Variants in LRBA observed in about 807,000 individuals in gnomAD.
LRBA encodes the protein LPS responsive beige-like anchor protein.
LRBA carries 176 observed loss-of-function variants against 330.0 expected under a neutral mutation model. The ratio of observed to expected loss-of-function variants is 0.53; its 90% CI spans 0.47 to 0.60. The LOEUF is 0.60. Ranked by LOEUF, LRBA falls within the 20% of genes least tolerant of loss-of-function variation. The pLI is 0.00. For missense variants in LRBA, 3,259 were observed against 3,444.8 expected (o/e 0.95, Z 1.35); for synonymous variants, 1,230 against 1,193.0 (o/e 1.03, Z -0.64).
chr4:150,844,233 A>G (rs751075860), intron 27 of LRBA, 26 bp from the exon 28 acceptor site: 7 of 1,023,866 alleles, frequency 6.8e-6, no homozygotes, highest in Middle Eastern at 2.4e-4. Flanking sequence ...AAAAAATTGT[A>G]TATATATATA....
At chr4:150,639,667 T>A (rs1778323421) in intron 37 of LRBA, among the ~76,000 whole-genome samples, 1 of 140,478 alleles carries the variant, frequency 7.1e-6, no homozygotes, top group Non-Finnish European at 1.5e-5. Context: ...GATCCTACAT[T>A]ACTTTAGAAT....
intron 37 of LRBA, among the ~76,000 whole-genome samples, chr4:150,648,781 C>T (rs1013391243): frequency 6.6e-6 from 1 of 152,070 alleles, no homozygotes. Flanking sequence ...AACAGAGCCA[C>T]GAGGCCTCTA....
chr4:150,779,777 C>A (rs538395726), intron 34 of LRBA, among the ~76,000 whole-genome samples: 1 of 151,948 alleles, frequency 6.6e-6, no homozygotes, highest in East Asian at 1.9e-4. Context: ...TTTCTGACAG[C>A]GTAATTCCAA....
intron 37 of LRBA, among the ~76,000 whole-genome samples, chr4:150,602,943 A>G (rs1031430190): frequency 6.6e-6 from 1 of 152,186 alleles, no homozygotes. Context: ...TTATAAGTAC[A>G]TATCTAGATC....
chr4:150,435,465 A>C, intron 46 of LRBA, 124 bp downstream of exon 46: 1 of 812,636 alleles, frequency 1.2e-6, no homozygotes, highest in Non-Finnish European at 1.9e-6. Context: ...CATTTAATTA[A>C]GGACTTATCT....
intron 28 of LRBA, among the ~76,000 whole-genome samples, chr4:150,834,490 T>A (rs1747693338): frequency 6.6e-6 from 1 of 152,212 alleles, no homozygotes; most frequent in Non-Finnish European, 1.5e-5. Flanking sequence ...AGGTTGATTA[T>A]CAATGAGCAG....
rs113208695 is a variant in LRBA at position 150,661,865 on chromosome 4, G to A, written c.5921+21686C>T. Among the ~76,000 whole-genome samples the A allele has an allele frequency of 1.3e-3, 200 of 152,096 alleles. 3 individuals are homozygous for A. Among genetic ancestry groups the A allele is most frequent in the African/African-American group, 4.6e-3 (192 of 41,500 alleles). ...CTCGAACTGACCTCAAGTGATCCAC[G>A]AGCATCGGCCTCCCAAACTGCTGGG... On this transcript the variant is annotated intron_variant, in intron 37 of 56. Coordinates refer to ENST00000651943, the MANE Select transcript of LRBA (RefSeq NM_001364905.1).
chr4:150,590,779 T>C lies in LRBA; in HGVS notation c.6127A>G (p.Ile2043Val). 6.2e-7 allele frequency: 1 copy of C among 1,613,884 alleles called. No individual in the cohort carries two copies. The highest frequency in any genetic ancestry group is 8.5e-7 in the Non-Finnish European group (1 of 1,179,826). The change falls in exon 39 of 57, where the codon ATC becomes GTC. Residue 2043 changes from isoleucine (I) to valine (V), a missense_variant. Coordinates refer to ENST00000651943, the MANE Select transcript of LRBA (RefSeq NM_001364905.1). ...GTATCATCATCGCCTTCCAGGAGGA[T>C]CTCGTTTTCTGAGTTCTGATTTCCT... ...ALGNQNSENE[I>V]LLEGDDDTLS... is the part of the protein sequence containing the mutation.
At chr4:150,620,216 A>T (rs1047375390) in intron 37 of LRBA, among the ~76,000 whole-genome samples, 1 of 152,180 alleles carries the variant, frequency 6.6e-6, no homozygotes, top group Non-Finnish European at 1.5e-5. Flanking sequence ...GCTCAACATC[A>T]CTAATCATCA....
At position 150,423,434 on chromosome 4, in the gene LRBA, C is replaced by T. The variant is rs183332231; in HGVS notation, c.7042-7844G>A. 9.2e-3 allele frequency: 5,606 copies of T among 608,060 alleles called. 302 individuals carry two copies. Among genetic ancestry groups the T allele is most frequent in the Non-Finnish European group, 1.9e-3 (635 of 339,122 alleles). The allele number at this position is 608,060 out of a possible 1,614,324, so 37.7% of individuals were successfully genotyped here. On this transcript the variant is annotated intron_variant, in intron 46 of 56. Transcript: ENST00000651943. ...GCGCTTCTTTTTGTGGAGGCTCTGG[C>T]GGTGAGCTGTTGCCAGCGGGCCCCA...
At chr4:150,988,127 A>C (rs188897215) in intron 2 of LRBA, among the ~76,000 whole-genome samples, 222 of 152,292 alleles carry the variant, frequency 1.5e-3, no homozygotes, top group African/African-American at 5.0e-3. Context: ...AAAAATAATA[A>C]AGTCAAACCC....
intron 53 of LRBA, among the ~76,000 whole-genome samples, chr4:150,298,500 G>A (rs758479883): frequency 5.3e-5 from 8 of 152,088 alleles, no homozygotes; most frequent in Middle Eastern, 3.4e-3. Context: ...ATTGATGAGC[G>A]TATAACAAAA....
chr4:150,551,795 G>C (rs1430839674), intron 40 of LRBA, among the ~76,000 whole-genome samples: 1 of 152,068 alleles, frequency 6.6e-6, no homozygotes, highest in Admixed American at 6.6e-5. Flanking sequence ...CCATAGAAAA[G>C]TCTATTAAAA....
At chr4:150,339,522 T>C (rs947029531) in intron 48 of LRBA, among the ~76,000 whole-genome samples, 2 of 152,172 alleles carry the variant, frequency 1.3e-5, no homozygotes, top group African/African-American at 4.8e-5. Flanking sequence ...GTTTGGCTTT[T>C]TTTCTCTCTC....
intron 30 of LRBA, among the ~76,000 whole-genome samples, chr4:150,823,097 T>G (rs192884316): frequency 1.9e-4 from 29 of 152,320 alleles, no homozygotes; most frequent in African/African-American, 6.7e-4. Flanking sequence ...TTACTGCTTA[T>G]CTTTTGGATA....
intron 9 of LRBA, among the ~76,000 whole-genome samples, chr4:150,910,368 C>A (rs893659883): frequency 1.3e-5 from 2 of 152,028 alleles, no homozygotes; most frequent in Admixed American, 1.3e-4. Context: ...TAAAACTTTT[C>A]TTTCTTATTT....
At chr4:150,619,694 A>T (rs1287779790) in intron 37 of LRBA, among the ~76,000 whole-genome samples, 1 of 152,172 alleles carries the variant, frequency 6.6e-6, no homozygotes, top group Non-Finnish European at 1.5e-5. Context: ...ATTAGGCTCC[A>T]CAACTGAGGG....
At chr4:150,429,172 T>G (rs1561164696) in intron 46 of LRBA, among the ~76,000 whole-genome samples, 1 of 151,896 alleles carries the variant, frequency 6.6e-6, no homozygotes, top group Non-Finnish European at 1.5e-5. Flanking sequence ...TAAAAGTGCA[T>G]GAGGTGATGG....
intron 9 of LRBA, among the ~76,000 whole-genome samples, chr4:150,913,375 G>A (rs1732225427): frequency 6.6e-6 from 1 of 152,200 alleles, no homozygotes; most frequent in South Asian, 2.1e-4. Context: ...GCTGAGGCAG[G>A]AGAATTGCTT....
Sources: gnomAD v4.1 joint callset for allele counts (sites outside exome capture counted in the v4.1 genomes callset) on GRCh38, gnomAD v4.1.1 for gene constraint, MANE v1.5 for transcripts, NCBI Gene and HGNC (gene_info 2026-07-23, HGNC 2026-07-21) for gene names.